TVP23A: variants seen among roughly 807,000 people sequenced by gnomAD.
TVP23A encodes the protein Golgi apparatus membrane protein TVP23 homolog A.
In TVP23A, 21 loss-of-function variants were observed where a neutral mutation model predicts 31.7. That is an observed-to-expected ratio of 0.66 (90% CI 0.47 to 0.95). The LOEUF is 0.95. TVP23A is among the 40% of genes least tolerant of loss of function. The pLI is 0.00. For missense variants in TVP23A, 279 were observed against 255.6 expected (o/e 1.09, Z -0.62); for synonymous variants, 104 against 96.0 (o/e 1.08, Z -0.49).
At chr16:10,817,992 C>T (rs2034514638) in intron 2 of TVP23A, 111 bp downstream of exon 2, 1 of 940,820 alleles carries the variant, frequency 1.1e-6, no homozygotes, top group Admixed American at 2.0e-5. Flanking sequence ...ATGTCCCCAG[C>T]CCCAGACCTG....
intron 2 of TVP23A, among the ~76,000 whole-genome samples, chr16:10,781,357 G>T (rs1389848824): frequency 2.0e-5 from 3 of 151,780 alleles, no homozygotes; most frequent in African/African-American, 7.3e-5. Flanking sequence ...AAGAAGAGGT[G>T]AGAAAATGAC....
intron 2 of TVP23A, among the ~76,000 whole-genome samples, chr16:10,792,883 C>T (rs1287761229): frequency 6.6e-6 from 1 of 152,252 alleles, no homozygotes; most frequent in Non-Finnish European, 1.5e-5. Flanking sequence ...GCTCAGTTTC[C>T]ATTCAAAGGT....
At chr16:10,800,917 G>T (rs2033665326) in intron 2 of TVP23A, among the ~76,000 whole-genome samples, 1 of 152,204 alleles carries the variant, frequency 6.6e-6, no homozygotes, top group Non-Finnish European at 1.5e-5. Flanking sequence ...CTTGAGCCTG[G>T]AAGGCAGAGG....
intron 2 of TVP23A, among the ~76,000 whole-genome samples, chr16:10,795,939 C>T (rs937023456): frequency 3.3e-5 from 5 of 152,108 alleles, no homozygotes; most frequent in African/African-American, 7.2e-5. Context: ...GTAGCTCTCA[C>T]TACTCATTTA....
At chr16:10,803,527 T>G (rs2142998907) in intron 2 of TVP23A, among the ~76,000 whole-genome samples, 1 of 152,160 alleles carries the variant, frequency 6.6e-6, no homozygotes, top group Admixed American at 6.5e-5. Context: ...GTGTCATTAA[T>G]GGGTAAACAG....
chr16:10,782,106 C>A (rs1369313617), intron 2 of TVP23A, among the ~76,000 whole-genome samples: 1 of 151,982 alleles, frequency 6.6e-6, no homozygotes, highest in African/African-American at 2.4e-5. Flanking sequence ...AGGTGATCCA[C>A]CTGCCTCAGT....
chr16:10,792,549 C>T (rs1466535565), intron 2 of TVP23A, among the ~76,000 whole-genome samples: 1 of 152,186 alleles, frequency 6.6e-6, no homozygotes, highest in African/African-American at 2.4e-5. Context: ...AATTGAAGTG[C>T]TCTCTTCTCT....
intron 2 of TVP23A, among the ~76,000 whole-genome samples, chr16:10,803,943 A>C (rs4780996): frequency 0.19 from 29,380 of 152,228 alleles, 3,340 homozygotes; most frequent in African/African-American, 0.31. Flanking sequence ...GAATTAAATA[A>C]TTTAAAGGGG....
At chr16:10,802,839 T>TG (rs1233379697) in intron 2 of TVP23A, among the ~76,000 whole-genome samples, 1 of 152,210 alleles carries the variant, frequency 6.6e-6, no homozygotes. Context: ...GTATTTTAGG[T>TG]TCCATGTTTA....
chr16:10,774,405 T>G (rs1428102948), intron 3 of TVP23A, among the ~76,000 whole-genome samples: 1 of 152,184 alleles, frequency 6.6e-6, no homozygotes, highest in Non-Finnish European at 1.5e-5. Flanking sequence ...ACAAGTGATA[T>G]GGTTTGGCTG....
intron 6 of TVP23A, 134 bp downstream of exon 6, chr16:10,771,536 C>CA: frequency 3.2e-6 from 4 of 1,239,680 alleles, no homozygotes; most frequent in Admixed American, 2.3e-5. Flanking sequence ...TCCTGTCTCC[C>CA]AAAAAATATA....
chr16:10,787,741 T>C (rs1414227888), intron 2 of TVP23A, among the ~76,000 whole-genome samples: 1 of 152,010 alleles, frequency 6.6e-6, no homozygotes, highest in African/African-American at 2.4e-5. Context: ...TCTCTCTTTC[T>C]TTTGCCTATT....
intron 2 of TVP23A, among the ~76,000 whole-genome samples, chr16:10,813,915 CTT>C (rs1269484747): frequency 7.2e-6 from 1 of 139,802 alleles, no homozygotes; most frequent in Non-Finnish European, 1.5e-5. Flanking sequence ...AGGAGAATCA[CTT>C]GAACCCGGGA....
chr16:10,785,667 A>G (rs2032711695), intron 2 of TVP23A, among the ~76,000 whole-genome samples: 1 of 152,214 alleles, frequency 6.6e-6, no homozygotes, highest in South Asian at 2.1e-4. Context: ...GGTTTTGTAC[A>G]TTTCAGGGAG....
At chr16:10,795,184 A>G (rs2033317710) in intron 2 of TVP23A, among the ~76,000 whole-genome samples, 1 of 151,846 alleles carries the variant, frequency 6.6e-6, no homozygotes, top group Non-Finnish European at 1.5e-5. Context: ...AGAGGCTCCC[A>G]CTGGCCAACA....
chr16:10,774,221 AC>A lies in TVP23A; in HGVS notation c.235-94del, dbSNP rs1335324733. The A allele has an allele frequency of 3.3e-6, 3 of 914,326 alleles. No homozygotes were observed. In the East Asian group the frequency reaches 8.1e-5, roughly 25 times the overall value. The allele number at this position is 914,326 out of a possible 1,614,324, so 56.6% of individuals were successfully genotyped here. A position where few individuals can be genotyped will look rare whatever the true frequency, so the allele number is the denominator to read the frequency against. On this transcript the variant is annotated intron_variant, in intron 3 of 7. Transcript: ENST00000299866. Reference sequence around the variant, plus strand: ...ACAAAAGTTCCTTGATTCATTTCAGACTTGTACTGGGAGCAGGAAGAAAAAA... The same window carrying A: ...ACAAAAGTTCCTTGATTCATTTCAGATTGTACTGGGAGCAGGAAGAAAAAA...
chr16:10,780,040 A>T (rs2032323618), intron 2 of TVP23A, among the ~76,000 whole-genome samples: 2 of 152,158 alleles, frequency 1.3e-5, no homozygotes, highest in Non-Finnish European at 1.5e-5. Context: ...GTGAGCCAAG[A>T]TCGTGCCACT....
rs777610049 is a variant in TVP23A at position 10,761,414 on chromosome 16, G to A, written c.*361C>T. The A allele has an allele frequency of 2.5e-6, 4 of 1,614,024 alleles. No homozygotes were observed. The African/African-American group carries it at 5.3e-5, about 22-fold the overall frequency. On this transcript the variant is annotated 3_prime_UTR_variant and NMD_transcript_variant, in exon 9 of 9. Transcript: ENST00000456096. ...AAGAAATCAACTTCTGCCGCAAGGT[G>A]AAGCTGCCCATCATCGGGGTGGTGG...
At chr16:10,761,226 A>T in exon 9 of TVP23A, 1 of 695,096 alleles carries the variant, frequency 1.4e-6, no homozygotes, top group Non-Finnish European at 2.4e-6. Flanking sequence ...GGGGACACAG[A>T]GCCAAACCCT....
Sources: allele counts gnomAD v4.1 joint callset (sites outside exome capture counted in the v4.1 genomes callset), GRCh38; gene constraint gnomAD v4.1.1; transcripts MANE v1.5; gene names NCBI Gene and HGNC (gene_info 2026-07-23, HGNC 2026-07-21).